WHR1: variants seen among roughly 807,000 people sequenced by gnomAD.
The protein encoded by WHR1 is MHC class III HLA-RP1.
At chr6:31,977,243 C>G in the WHR1 span, among the ~76,000 whole-genome samples, 2 of 151,914 alleles carry the variant, frequency 1.3e-5, no homozygotes, top group Admixed American at 6.6e-5. Context: ...ATGATCTTGG[C>G]TCACTGCAAC....
At chr6:31,971,471 A>C in the WHR1 span, 2 of 1,614,090 alleles carry the variant, frequency 1.2e-6, no homozygotes, top group Non-Finnish European at 1.7e-6. The surrounding 1 kb of genome is among the most constrained non-coding windows in gnomAD (Gnocchi z 4.5). Context: ...GGGCTATAGT[A>C]GCGCAGGGCT....
the WHR1 span, chr6:31,980,110 A>T: frequency 3.2e-6 from 1 of 316,540 alleles, no homozygotes; most frequent in Admixed American, 4.5e-5. Flanking sequence ...AGGCAGTGGC[A>T]GGAGCGCAGA....
chr6:31,977,674 G>A, the WHR1 span, among the ~76,000 whole-genome samples: 2 of 151,900 alleles, frequency 1.3e-5, no homozygotes, highest in Non-Finnish European at 2.9e-5. Flanking sequence ...AATGGAGACC[G>A]GGTTTCATCA....
At chr6:31,979,344 CT>C in the WHR1 span, 2 of 1,590,694 alleles carry the variant, frequency 1.3e-6, no homozygotes, top group Non-Finnish European at 1.7e-6. Flanking sequence ...AAGAGAAATG[CT>C]GTCCTGGGGG....
chr6:31,979,680 C>A, the WHR1 span: 51 of 1,341,188 alleles, frequency 3.8e-5, no homozygotes, highest in Non-Finnish European at 4.6e-5. Context: ...GCTGACTCTT[C>A]TTGTTAATAA....
the WHR1 span, chr6:31,972,162 T>G: frequency 2.1e-4 from 339 of 1,612,350 alleles, 1 homozygote; most frequent in Non-Finnish European, 2.7e-4. This position sits in a 1 kb window ranked among gnomAD's most constrained non-coding sequence, Gnocchi z 6.3. Flanking sequence ...TGCGTGCCCT[T>G]GGAGGGAGCC....
At chr6:31,972,126 C>G in the WHR1 span, 1 of 1,613,046 alleles carries the variant, frequency 6.2e-7, no homozygotes, top group East Asian at 2.2e-5. The surrounding 1 kb of genome is among the most constrained non-coding windows in gnomAD (Gnocchi z 6.3). Flanking sequence ...CGGCGCCCCT[C>G]CACGCCGCCA....
chr6:31,979,338 G>T, the WHR1 span: 2 of 1,587,442 alleles, frequency 1.3e-6, no homozygotes, highest in Non-Finnish European at 1.7e-6. Flanking sequence ...GACAGGAAGA[G>T]AAATGCTGTC....
At chr6:31,972,221 G>A in the WHR1 span, 7 of 1,612,770 alleles carry the variant, frequency 4.3e-6, no homozygotes, top group East Asian at 2.2e-5. This position sits in a 1 kb window ranked among gnomAD's most constrained non-coding sequence, Gnocchi z 6.3. Flanking sequence ...ATGCTGGTAT[G>A]TGCGTCGCCA....
chr6:31,973,101 TAGAG>T, the WHR1 span: 6 of 539,572 alleles, frequency 1.1e-5, no homozygotes, highest in African/African-American at 9.3e-5. Flanking sequence ...GAGAATATCA[TAGAG>T]AGAGGGAATG....
At chr6:31,980,473 C>T in the WHR1 span, 2 of 1,613,068 alleles carry the variant, frequency 1.2e-6, no homozygotes. Flanking sequence ...TGCTGGAGTC[C>T]TCACCGTCCG....
At chr6:31,979,679 T>C in the WHR1 span, 1 of 1,343,902 alleles carries the variant, frequency 7.4e-7, no homozygotes, top group Non-Finnish European at 1.0e-6. Flanking sequence ...AGCTGACTCT[T>C]CTTGTTAATA....
At chr6:31,971,390 C>T in the WHR1 span, 1 of 1,589,124 alleles carries the variant, frequency 6.3e-7, no homozygotes, top group Non-Finnish European at 8.6e-7. The surrounding 1 kb of genome is among the most constrained non-coding windows in gnomAD (Gnocchi z 4.5). Context: ...ACCTCCTCGT[C>T]CCGGGGCTGG....
chr6:31,972,168 G>A, the WHR1 span: 2 of 1,612,074 alleles, frequency 1.2e-6, no homozygotes, highest in East Asian at 4.5e-5. The surrounding 1 kb of genome is among the most constrained non-coding windows in gnomAD (Gnocchi z 6.3). Context: ...CCCTTGGAGG[G>A]AGCCAATCCG....
chr6:31,971,373 T>C, the WHR1 span: 2 of 1,573,924 alleles, frequency 1.3e-6, no homozygotes, highest in Non-Finnish European at 1.7e-6. This position sits in a 1 kb window ranked among gnomAD's most constrained non-coding sequence, Gnocchi z 4.5. Context: ...GGTCCAGCCT[T>C]TCCTGGACCT....
the WHR1 span, chr6:31,972,488 C>G: frequency 1.2e-6 from 2 of 1,612,304 alleles, no homozygotes; most frequent in South Asian, 2.2e-5. This position sits in a 1 kb window ranked among gnomAD's most constrained non-coding sequence, Gnocchi z 6.3. Flanking sequence ...CCTGTGGAGT[C>G]GGATCCTCTT....
At chr6:31,980,283 A>G in the WHR1 span, 9 of 589,956 alleles carry the variant, frequency 1.5e-5, no homozygotes, top group African/African-American at 1.5e-4. Context: ...GCACCAACAG[A>G]GGCAGTTGGT....
chr6:31,975,636 C>A, the WHR1 span, among the ~76,000 whole-genome samples: 1 of 145,070 alleles, frequency 6.9e-6, no homozygotes, highest in African/African-American at 2.5e-5. Flanking sequence ...TTTGATAATT[C>A]CACTATTTTT....
the WHR1 span, chr6:31,980,793 A>G: frequency 1.3e-6 from 2 of 1,561,642 alleles, no homozygotes; most frequent in African/African-American, 1.4e-5. Flanking sequence ...GGGCCCAGCT[A>G]GTGGACTGGT....
Sources: gnomAD v4.1 joint callset for allele counts (sites outside exome capture counted in the v4.1 genomes callset) on GRCh38, gnomAD v4.1.1 for gene constraint, Gnocchi (gnomAD v3.1) non-coding constraint, MANE v1.5 for transcripts, NCBI Gene and HGNC (gene_info 2026-07-23, HGNC 2026-07-21) for gene names.